PCDHA4: variants seen among roughly 807,000 people sequenced by gnomAD.
The protein encoded by PCDHA4 is protocadherin alpha-4.
Under a neutral mutation model 61.4 loss-of-function variants are expected in PCDHA4, and 49 were observed. The observed-to-expected ratio is 0.80, with a 90% CI of 0.63 to 1.01. The LOEUF is 1.01. Ranked by LOEUF, PCDHA4 falls within the 50% of genes least tolerant of loss-of-function variation. PCDHA4 has a pLI of 0.00. For missense variants in PCDHA4, 1,254 were observed against 1,235.8 expected (o/e 1.01, Z -0.22); for synonymous variants, 590 against 550.3 (o/e 1.07, Z -1.01).
chr5:140,853,250 TTCTC>T (rs2042687770), intron 1 of PCDHA4: 1 of 976,068 alleles, frequency 1.0e-6, no homozygotes, highest in Non-Finnish European at 1.2e-6. Context: ...TTAATCTCTA[TTCTC>T]TCTCAGAGTA....
chr5:140,822,433 G>A (rs1489857640), intron 1 of PCDHA4: 3 of 1,613,932 alleles, frequency 1.9e-6, no homozygotes, highest in Admixed American at 1.7e-5. Flanking sequence ...AGGAAAACCC[G>A]AACTAACAGG....
rs1175289327 is a variant in PCDHA4 at position 140,945,113 on chromosome 5, T to TA, written c.2386-33830dup. ...TAATAAACAAAATAAAGTTGAAAGA[T>TA]AAAAAATCAACTTACAAAAATCAAT... On this transcript the variant is annotated intron_variant, in intron 1 of 3. Coordinates refer to ENST00000530339, the MANE Select transcript of PCDHA4 (RefSeq NM_018907.4). Among the ~76,000 whole-genome samples, 7 of 152,200 alleles carry TA rather than the reference T, an allele frequency of 4.6e-5. No individual in the cohort carries two copies. In the East Asian group the frequency reaches 1.2e-3, roughly 25 times the overall value.
intron 1 of PCDHA4, chr5:140,866,000 TAA>T (rs1485805064): frequency 6.6e-6 from 1 of 152,190 alleles, no homozygotes; most frequent in Non-Finnish European, 1.5e-5. Flanking sequence ...TTTTTTATGT[TAA>T]GTGATTTTTT....
At chr5:140,864,602 A>T (rs1472168357) in intron 1 of PCDHA4, 2 of 152,210 alleles carry the variant, frequency 1.3e-5, no homozygotes, top group African/African-American at 4.8e-5. Flanking sequence ...CAGATAGCCA[A>T]CAACTTTGTT....
At chr5:140,925,434 G>C (rs1165185781) in intron 1 of PCDHA4, among the ~76,000 whole-genome samples, 1 of 152,088 alleles carries the variant, frequency 6.6e-6, no homozygotes, top group African/African-American at 2.4e-5. Flanking sequence ...TAGGGTGTTA[G>C]GCAGAATTTG....
intron 3 of PCDHA4, among the ~76,000 whole-genome samples, chr5:140,986,030 C>T (rs1190318789): frequency 2.6e-5 from 4 of 152,174 alleles, no homozygotes; most frequent in Non-Finnish European, 2.9e-5. Flanking sequence ...TGAGCCACTG[C>T]GCCTGGCCTC....
intron 1 of PCDHA4, among the ~76,000 whole-genome samples, chr5:140,879,880 C>T (rs1162426271): frequency 6.6e-6 from 1 of 152,172 alleles, no homozygotes; most frequent in Admixed American, 6.5e-5. Flanking sequence ...GGTCACATTG[C>T]CTCCTCCTCT....
intron 1 of PCDHA4, chr5:140,967,530 C>T: frequency 6.2e-7 from 1 of 1,613,178 alleles, no homozygotes; most frequent in Non-Finnish European, 8.5e-7. Flanking sequence ...GACAACTCTC[C>T]TGCCTTTGAC....
intron 1 of PCDHA4, among the ~76,000 whole-genome samples, chr5:140,907,449 A>G (rs1554192997): frequency 6.6e-6 from 1 of 152,232 alleles, no homozygotes; most frequent in Admixed American, 6.5e-5. Flanking sequence ...ACAGATGGTA[A>G]TCTTGGCAGA....
chr5:140,901,196 C>T (rs1294830498), intron 1 of PCDHA4, among the ~76,000 whole-genome samples: 7 of 152,222 alleles, frequency 4.6e-5, no homozygotes, highest in African/African-American at 1.7e-4. Flanking sequence ...CTTTTCTGTG[C>T]AGAAGGTTTT....
intron 1 of PCDHA4, chr5:140,967,309 A>G (rs782218334): frequency 6.2e-7 from 1 of 1,611,224 alleles, no homozygotes; most frequent in East Asian, 2.2e-5. Context: ...GCGCCAACTC[A>G]GTACAGACCT....
intron 1 of PCDHA4, chr5:140,849,056 G>T: frequency 6.4e-7 from 1 of 1,554,944 alleles, no homozygotes; most frequent in South Asian, 1.1e-5. Context: ...CCAGCAACCA[G>T]CAGGTAAAAC....
rs2150138849 is a variant in PCDHA4, at chr5:140,825,337, T to C, written c.2385+15765T>C. On this transcript the variant is annotated intron_variant, in intron 1 of 3. Transcript: ENST00000530339. Reference sequence around the variant, plus strand: ...AATTTTCTGGAAATTTGCATATTTTTCAATATATCTAATATATATTAGATA... The same window carrying C: ...AATTTTCTGGAAATTTGCATATTTTCCAATATATCTAATATATATTAGATA... 3 of 148,006 alleles carry C rather than the reference T, an allele frequency of 2.0e-5. No individual in the cohort carries two copies. In the East Asian group the frequency reaches 5.8e-4, roughly 29 times the overall value. 9.2% of individuals were successfully genotyped at this position (148,006 alleles called of 1,614,324 possible). A position where few individuals can be genotyped will look rare whatever the true frequency, so the allele number is the denominator to read the frequency against.
rs2150130630 is a variant in PCDHA4, at chr5:140,823,943, C to T, written c.2385+14371C>T. On this transcript the variant is annotated intron_variant, in intron 1 of 3. Coordinates refer to ENST00000530339, the MANE Select transcript of PCDHA4 (RefSeq NM_018907.4). ...CTGCTGTACACCGCGCTGCGGTGCT[C>T]GGCGCAGCCCACCGAGGCCGTGTGC... 6.8e-6 allele frequency: 11 copies of T among 1,613,800 alleles called. No individual in the cohort carries two copies. In the African/African-American group the frequency reaches 8.0e-5, roughly 12 times the overall value.
intron 1 of PCDHA4, among the ~76,000 whole-genome samples, chr5:140,872,454 C>T (rs1410815153): frequency 1.3e-5 from 2 of 152,062 alleles, no homozygotes; most frequent in Non-Finnish European, 2.9e-5. Context: ...TAGCGAGATC[C>T]TGTCTCTATA....
Position 141,002,117 on chromosome 5 carries a change from C to T in PCDHA4, c.2534-7510C>T, listed in dbSNP as rs74680186. Among the ~76,000 whole-genome samples, 37 of 152,378 alleles carry T rather than the reference C, an allele frequency of 2.4e-4. 1 individual carries two copies. The East Asian group carries it at 6.0e-3, about 25-fold the overall frequency. ...GGGCTGGGCCGGAAACGGCTATAAT[C>T]ATTTAATAGCCTTTGCCGGCTGCAC... On this transcript the variant is annotated intron_variant, in intron 3 of 3. Transcript: ENST00000530339.
chr5:140,858,473 A>G (rs1055200728), intron 1 of PCDHA4: 2 of 1,518,350 alleles, frequency 1.3e-6, no homozygotes, highest in Non-Finnish European at 1.8e-6. Context: ...TTTGTGCTTT[A>G]TGAATAATAT....
chr5:140,858,401 G>T (rs2045390262), intron 1 of PCDHA4: 2 of 1,572,406 alleles, frequency 1.3e-6, no homozygotes, highest in Admixed American at 1.8e-5. Flanking sequence ...TGTGGACGGG[G>T]AAGATCAGTC....
At position 140,829,513 on chromosome 5, in the gene PCDHA4, C is replaced by T. The variant is rs146722468; in HGVS notation, c.2385+19941C>T. ...AGAACAACCCGCCGGGCTGCCACAT[C>T]TTCACGGTGTCTGCGCGAGACGCGG... On this transcript the variant is annotated intron_variant, in intron 1 of 3. Transcript: ENST00000530339. 3.1e-4 allele frequency: 493 copies of T among 1,613,532 alleles called. 1 individual carries two copies. In the African/African-American group the frequency reaches 5.8e-3, roughly 19 times the overall value.
Sources: gnomAD v4.1 joint callset for allele counts (sites outside exome capture counted in the v4.1 genomes callset) on GRCh38, gnomAD v4.1.1 for gene constraint, MANE v1.5 for transcripts, NCBI Gene and HGNC (gene_info 2026-07-23, HGNC 2026-07-21) for gene names.